The following GNG2 variants were observed in gnomAD, a reference collection of about 807,000 sequenced individuals.
The protein encoded by GNG2 is guanine nucleotide-binding protein G(I)/G(S)/G(O) subunit gamma-2.
A neutral mutation model predicts 5.5 loss-of-function variants in GNG2; 5 were observed. The observed-to-expected ratio is 0.91, with a 90% CI of 0.48 to 1.92. The LOEUF (loss-of-function observed/expected upper bound fraction) is 1.92, where lower values mean the gene tolerates loss of function less well. GNG2 is among the 30% of genes most tolerant of loss of function. The pLI is 0.01. For missense variants in GNG2, 55 were observed against 88.4 expected (o/e 0.62, Z 1.52); for synonymous variants, 28 against 32.0 (o/e 0.88, Z 0.42).
At chr14:51,832,285 A>G (rs1422721165) in intron 2 of GNG2, among the ~76,000 whole-genome samples, 14 of 24,144 alleles carry the variant, frequency 5.8e-4, no homozygotes, top group African/African-American at 7.6e-4. Context: ...TTACAGGGAG[A>G]AAAAAAAAAA....
At chr14:51,846,760 C>T (rs557120602) in intron 2 of GNG2, among the ~76,000 whole-genome samples, 1 of 152,178 alleles carries the variant, frequency 6.6e-6, no homozygotes, top group Non-Finnish European at 1.5e-5. Flanking sequence ...TCCAGTCTTC[C>T]CTCCCATGTG....
chr14:51,876,966 A>C (rs1039216354), intron 1 of GNG2, among the ~76,000 whole-genome samples: 1 of 152,192 alleles, frequency 6.6e-6, no homozygotes, highest in Non-Finnish European at 1.5e-5. Flanking sequence ...GCTCATCTAC[A>C]CAGGAACTTT....
At chr14:51,859,366 T>C (rs1751716686), upstream of GNG2, among the ~76,000 whole-genome samples, 1 of 152,192 alleles carries the variant, frequency 6.6e-6, no homozygotes, top group Admixed American at 6.5e-5. Context: ...TAAATTGTTA[T>C]TAAAGCATCT....
chr14:51,857,268 C>G (rs951848756), upstream of GNG2, among the ~76,000 whole-genome samples: 5 of 152,138 alleles, frequency 3.3e-5, no homozygotes, highest in African/African-American at 1.2e-4. Flanking sequence ...GGTTTACTAG[C>G]AGGCAAAATA....
rs534617254 is a variant in GNG2, at chr14:51,962,719, G to A, written c.88-3840G>A. Among the ~76,000 whole-genome samples, 7 of 152,298 alleles carry A rather than the reference G, an allele frequency of 4.6e-5. No individual in the cohort carries two copies. In the East Asian group the frequency reaches 1.2e-3, roughly 25 times the overall value. ...AGGACAGAAAAGGGAGAGATTTTCT[G>A]GAGTTATTGGGGAAATCTTCATGGA... On this transcript the variant is annotated intron_variant, in intron 3 of 3. Coordinates refer to ENST00000556766, the MANE Select transcript of GNG2 (RefSeq NM_053064.5).
chr14:51,946,828 C>G (rs573434753), intron 2 of GNG2, among the ~76,000 whole-genome samples: 2 of 152,268 alleles, frequency 1.3e-5, no homozygotes, highest in South Asian at 4.1e-4. Context: ...ACTGTCACCT[C>G]TTAGGAAAAT....
intron 2 of GNG2, among the ~76,000 whole-genome samples, chr14:51,923,225 A>G (rs1887119572): frequency 2.0e-5 from 3 of 152,268 alleles, no homozygotes; most frequent in South Asian, 2.1e-4. Context: ...TGGAACCTTC[A>G]GGATGGTGCC....
At chr14:51,958,848 A>G (rs774037595) in intron 3 of GNG2, among the ~76,000 whole-genome samples, 1 of 152,188 alleles carries the variant, frequency 6.6e-6, no homozygotes, top group Non-Finnish European at 1.5e-5. Flanking sequence ...TCCAGGAAGA[A>G]GAAGGAGCAG....
At chr14:51,958,638 C>A (rs573365974) in intron 3 of GNG2, among the ~76,000 whole-genome samples, 1 of 152,044 alleles carries the variant, frequency 6.6e-6, no homozygotes, top group Non-Finnish European at 1.5e-5. Context: ...TTGTAGGGAA[C>A]CAAGCTTCCA....
intron 2 of GNG2, among the ~76,000 whole-genome samples, chr14:51,945,121 AAAAC>A (rs1009950883): frequency 1.5e-5 from 2 of 133,952 alleles, no homozygotes; most frequent in African/African-American, 2.6e-5. Flanking sequence ...AAAACAAAAC[AAAAC>A]AAACAAACAA....
chr14:51,907,747 G>A (rs1209302755), intron 2 of GNG2, among the ~76,000 whole-genome samples: 2 of 152,168 alleles, frequency 1.3e-5, no homozygotes, highest in Non-Finnish European at 2.9e-5. Context: ...CTATGATCCC[G>A]GTGATGTCCC....
intron 2 of GNG2, among the ~76,000 whole-genome samples, chr14:51,934,940 C>A (rs1178294557): frequency 2.0e-5 from 3 of 152,096 alleles, no homozygotes; most frequent in Non-Finnish European, 2.9e-5. Context: ...AATCAGGGAG[C>A]CTTTGTAGTC....
rs17124746 is a variant in GNG2 at position 51,928,683 on chromosome 14, G to T, written c.-29-21967G>T. ...GAAGGAGAGAGAGACGTGACTTTTA[G>T]TTTTAACACTTGTCTATTCATTAAC... On this transcript the variant is annotated intron_variant, in intron 2 of 3. Coordinates refer to ENST00000556766, the MANE Select transcript of GNG2 (RefSeq NM_053064.5). 9.8e-3 allele frequency among the ~76,000 whole-genome samples: 1,497 copies of T among 152,296 alleles called. 14 individuals are homozygous for T. Among genetic ancestry groups the T allele is most frequent in the African/African-American group, 0.035 (1,436 of 41,558 alleles).
chr14:51,827,099 T>C (rs2140067571), intron 1 of GNG2, among the ~76,000 whole-genome samples: 1 of 152,308 alleles, frequency 6.6e-6, no homozygotes, highest in African/African-American at 2.4e-5. Context: ...GTTCCCAAAC[T>C]TACCTGTATG....
At chr14:51,913,431 T>A (rs1282761152) in intron 2 of GNG2, 1 of 152,254 alleles carries the variant, frequency 6.6e-6, no homozygotes, top group Non-Finnish European at 1.5e-5. Flanking sequence ...GAAAGCTTGC[T>A]TGAGCCCGGG....
At chr14:51,927,952 C>T (rs1310788420) in intron 2 of GNG2, among the ~76,000 whole-genome samples, 1 of 151,722 alleles carries the variant, frequency 6.6e-6, no homozygotes, top group South Asian at 2.1e-4. Context: ...TTTGTCATGA[C>T]CCCAAAACAC....
rs1288339696 is a variant in GNG2 at position 51,969,645 on chromosome 14, G to T, written c.*2958G>T. 2.0e-5 allele frequency: 3 copies of T among 152,160 alleles called. No homozygotes were observed. The highest frequency in any genetic ancestry group is 4.8e-5 in the African/African-American group (2 of 41,442). The allele number at this position is 152,160 out of a possible 1,614,324, so 9.4% of individuals were successfully genotyped here. On this transcript the variant is annotated 3_prime_UTR_variant, in exon 4 of 4. Coordinates refer to ENST00000556766, the MANE Select transcript of GNG2 (RefSeq NM_053064.5). Reference sequence around the variant, plus strand: ...ATTAATGTTTTGCAGCCCAAAAGTTGTTCACATTTTTCCTATATAAGATCT... The same window carrying T: ...ATTAATGTTTTGCAGCCCAAAAGTTTTTCACATTTTTCCTATATAAGATCT...
chr14:51,930,480 G>A (rs1474784896), intron 2 of GNG2, among the ~76,000 whole-genome samples: 7 of 152,126 alleles, frequency 4.6e-5, no homozygotes, highest in South Asian at 4.1e-4. Context: ...CACAAAACTC[G>A]GCTTCCTGGT....
chr14:51,960,269 TCTG>T (rs1236963889), intron 3 of GNG2, among the ~76,000 whole-genome samples: 1 of 152,148 alleles, frequency 6.6e-6, no homozygotes, highest in Non-Finnish European at 1.5e-5. Context: ...CAGTGGCTAA[TCTG>T]CTAATTTTAT....
Sources: gnomAD v4.1 joint callset for allele counts (sites outside exome capture counted in the v4.1 genomes callset) on GRCh38, gnomAD v4.1.1 for gene constraint, MANE v1.5 for transcripts, NCBI Gene and HGNC (gene_info 2026-07-23, HGNC 2026-07-21) for gene names.